Variants in SYCP2L observed in about 807,000 individuals in gnomAD.
The protein encoded by SYCP2L is synaptonemal complex protein 2 like, also known as synaptonemal complex protein 2-like.
Under a neutral mutation model 125.8 loss-of-function variants are expected in SYCP2L, and 98 were observed. That is an observed-to-expected ratio of 0.78 (90% CI 0.66 to 0.92). The LOEUF (loss-of-function observed/expected upper bound fraction) is 0.92. SYCP2L is among the 40% of genes least tolerant of loss of function. SYCP2L has a pLI of 0.00. For missense variants in SYCP2L, 842 were observed against 936.4 expected (o/e 0.90, Z 1.32); for synonymous variants, 317 against 325.4 (o/e 0.97, Z 0.28).
chr6:10,895,403 G>A lies in SYCP2L; in HGVS notation c.336+1199G>A, dbSNP rs560277526. 2.6e-5 allele frequency among the ~76,000 whole-genome samples: 4 copies of A among 152,292 alleles called. No individual in the cohort carries two copies. In the South Asian group the frequency reaches 6.2e-4, roughly 24 times the overall value. On this transcript the variant is annotated intron_variant, in intron 4 of 29. Transcript: ENST00000283141. ...TACCCTTTCCCCATTGGCCGGGGTC[G>A]GGTCGTACAATCTAATTCCGGTTGG...
chr6:10,930,398 C>T lies in SYCP2L; in HGVS notation c.1517C>T (p.Ser506Phe). Residue 506 changes from serine (S) to phenylalanine (F), a missense_variant, in exon 19 of 30, where the codon TCT becomes TTT. Transcript: ENST00000283141. ...PKSHYRKHLFSESNQDSSTSE... is the reference protein window; with the variant it reads ...PKSHYRKHLFFESNQDSSTSE... The stretch of plus-strand genomic sequence containing the variant: ...TCTCATTACAGAAAACATCTCTTCT[C>T]TGAGAGTAATCAAGATTCAAGTACC... The T allele has an allele frequency of 6.2e-7, 1 of 1,613,388 alleles. No individual in the cohort carries two copies. The highest frequency in any genetic ancestry group is 8.5e-7 in the Non-Finnish European group (1 of 1,179,766).
At position 10,955,135 on chromosome 6, in the gene SYCP2L, T is replaced by G; in HGVS notation, c.1974T>G (p.Phe658Leu). The G allele has an allele frequency of 2.5e-6, 4 of 1,613,248 alleles. No individual in the cohort carries two copies. The highest frequency in any genetic ancestry group is 3.4e-6 in the Non-Finnish European group (4 of 1,179,172). The change falls in exon 24 of 30, where the codon TTT becomes TTG. Residue 658 changes from phenylalanine (F) to leucine (L), a missense_variant. Transcript: ENST00000283141. ...LEDKDIPEGS[F>L]AKSQQSRLEE... ...CTGTAGACATACCAGAAGGTAGTTTTGCTAAGTCACAACAATCAAGATTGG... is the reference window on the plus strand; with the variant it reads ...CTGTAGACATACCAGAAGGTAGTTTGGCTAAGTCACAACAATCAAGATTGG...
At chr6:10,945,269 C>T (rs931635113) in intron 23 of SYCP2L, among the ~76,000 whole-genome samples, 215 of 152,180 alleles carry the variant, frequency 1.4e-3, no homozygotes, top group African/African-American at 4.6e-3. Context: ...TCATTGGGTG[C>T]AGTGTCTCTA....
At chr6:10,946,713 C>A (rs1221046930) in intron 23 of SYCP2L, among the ~76,000 whole-genome samples, 1 of 152,006 alleles carries the variant, frequency 6.6e-6, no homozygotes, top group African/African-American at 2.4e-5. Context: ...AGTCATTCTT[C>A]AAAGGTAATT....
Position 10,907,522 on chromosome 6 carries a change from A to G in SYCP2L, c.677-20A>G. 2 of 1,602,554 alleles carry G rather than the reference A, an allele frequency of 1.2e-6. No homozygotes were observed. Among genetic ancestry groups the G allele is most frequent in the Non-Finnish European group, 1.7e-6 (2 of 1,176,000 alleles). On this transcript the variant is annotated intron_variant, in intron 9 of 29. Transcript: ENST00000283141. ...TTTGTGCCCAGAATTATCTATGTCT[A>G]CTATGTTTTTAATCTCTAGATTATG...
intron 14 of SYCP2L, among the ~76,000 whole-genome samples, chr6:10,918,967 T>C (rs1435308861): frequency 3.3e-5 from 5 of 152,220 alleles, no homozygotes; most frequent in Admixed American, 6.6e-5. Flanking sequence ...TGAATAGTTC[T>C]CCTTTCACTT....
At chr6:10,913,892 C>T (rs1171222373) in intron 14 of SYCP2L, among the ~76,000 whole-genome samples, 1 of 151,344 alleles carries the variant, frequency 6.6e-6, no homozygotes, top group Non-Finnish European at 1.5e-5. Context: ...AGTGCAATGG[C>T]GCGATCTTGG....
chr6:10,909,657 G>A (rs1197307627), intron 10 of SYCP2L, among the ~76,000 whole-genome samples: 3 of 152,188 alleles, frequency 2.0e-5, no homozygotes, highest in African/African-American at 4.8e-5. Flanking sequence ...TAGAACATAT[G>A]CTAGGAGAAG....
chr6:10,913,027 T>A, intron 14 of SYCP2L, 100 bp downstream of exon 14: 1 of 1,154,292 alleles, frequency 8.7e-7, no homozygotes. Flanking sequence ...ATTTTGACCA[T>A]GCCTTGAGGT....
At chr6:10,952,837 T>C (rs925340453) in intron 23 of SYCP2L, among the ~76,000 whole-genome samples, 16 of 151,758 alleles carry the variant, frequency 1.1e-4, no homozygotes, top group African/African-American at 3.4e-4. Context: ...AATGACGGGA[T>C]CCCCCCAGAA....
intron 29 of SYCP2L, 33 bp downstream of exon 29, chr6:10,963,876 G>A (rs1781632811): frequency 6.5e-7 from 1 of 1,549,992 alleles, no homozygotes; most frequent in African/African-American, 1.4e-5. Flanking sequence ...TTCAGTGGAT[G>A]TGAATCGGGG....
intron 1 of SYCP2L, among the ~76,000 whole-genome samples, chr6:10,887,440 G>C (rs890886768): frequency 1.3e-5 from 2 of 152,164 alleles, no homozygotes; most frequent in African/African-American, 4.8e-5. Context: ...TTTCCTAGCC[G>C]GTTTTCCAGC....
chr6:10,931,423 G>A lies in SYCP2L; in HGVS notation c.1634-17G>A, dbSNP rs1780994291. On this transcript the variant is annotated splice_polypyrimidine_tract_variant and intron_variant, in intron 19 of 29. Transcript: ENST00000283141. ...GAGTTAATGTATATGTTGTGCACTT[G>A]TTTTCTTTCAATTTAGTCTTGCCAG... The A allele has an allele frequency of 1.9e-6, 3 of 1,613,900 alleles. No homozygotes were observed. The highest frequency in any genetic ancestry group is 2.5e-6 in the Non-Finnish European group (3 of 1,179,880).
chr6:10,915,948 C>A (rs1201573422), intron 14 of SYCP2L, among the ~76,000 whole-genome samples: 1 of 152,122 alleles, frequency 6.6e-6, no homozygotes, highest in African/African-American at 2.4e-5. Context: ...TCTGTCTGGT[C>A]CTGGACTTTT....
At chr6:10,887,314 G>C (rs939402115) in intron 1 of SYCP2L, among the ~76,000 whole-genome samples, 179 bp downstream of exon 1, 1 of 152,232 alleles carries the variant, frequency 6.6e-6, no homozygotes, top group African/African-American at 2.4e-5. Flanking sequence ...CCTGCGGGGA[G>C]ACCAGGCAGA....
At chr6:10,953,539 C>CT (rs988569685) in intron 23 of SYCP2L, among the ~76,000 whole-genome samples, 2 of 152,156 alleles carry the variant, frequency 1.3e-5, no homozygotes, top group African/African-American at 4.8e-5. Context: ...AATAAGAGAA[C>CT]TGAAATAAAC....
In SYCP2L at chr6:10,942,611, C is replaced by T. The variant is rs998804167; in HGVS notation, c.1885-66C>T. The T allele has an allele frequency of 2.4e-5, 38 of 1,590,948 alleles. No individual in the cohort carries two copies. The Middle Eastern group carries it at 5.0e-4, about 21-fold the overall frequency. ...ATAACACATTGGCTATTCCTTCTGA[C>T]GAGTACACCACTTGTTTCTTGCTTT... On this transcript the variant is annotated intron_variant, in intron 22 of 29. Coordinates refer to ENST00000283141, the MANE Select transcript of SYCP2L (RefSeq NM_001040274.3).
chr6:10,956,060 G>A, intron 24 of SYCP2L, 76 bp from the exon 25 acceptor site: 1 of 1,212,826 alleles, frequency 8.2e-7, no homozygotes, highest in South Asian at 1.3e-5. Flanking sequence ...CTCATCCTCT[G>A]GGCAACTGAT....
At chr6:10,971,863 A>C (rs2113438300) in intron 29 of SYCP2L, among the ~76,000 whole-genome samples, 1 of 152,244 alleles carries the variant, frequency 6.6e-6, no homozygotes, top group African/African-American at 2.4e-5. Context: ...TTTAGTAGAC[A>C]GAGTGTGTCG....
Sources: gnomAD v4.1 joint callset for allele counts (sites outside exome capture counted in the v4.1 genomes callset) on GRCh38, gnomAD v4.1.1 for gene constraint, MANE v1.5 for transcripts, NCBI Gene and HGNC (gene_info 2026-07-23, HGNC 2026-07-21) for gene names.